The following KDM4C variants were observed in gnomAD, a reference collection of about 807,000 sequenced individuals.
KDM4C encodes lysine demethylase 4C.
Under a neutral mutation model 129.3 loss-of-function variants are expected in KDM4C, and 81 were observed. The ratio of observed to expected loss-of-function variants is 0.63; its 90% CI spans 0.52 to 0.75. The LOEUF (loss-of-function observed/expected upper bound fraction) is 0.75. Ranked by LOEUF, KDM4C falls within the 30% of genes least tolerant of loss-of-function variation. The pLI is 0.00. For synonymous variants in KDM4C, 573 were observed against 456.1 expected, an observed-to-expected ratio of 1.26 and a Z score of -3.26; for missense variants, 1,457 against 1,304.0, an observed-to-expected ratio of 1.12 and a Z score of -1.81.
chr9:7,057,979 G>A (rs560669510), intron 17 of KDM4C, among the ~76,000 whole-genome samples: 5 of 152,326 alleles, frequency 3.3e-5, no homozygotes, highest in African/African-American at 1.2e-4. Context: ...GCATGGTACA[G>A]CTGGGAGTCT....
intron 8 of KDM4C, among the ~76,000 whole-genome samples, chr9:6,963,546 T>C (rs1480671096): frequency 6.6e-6 from 1 of 152,192 alleles, no homozygotes; most frequent in Non-Finnish European, 1.5e-5. Flanking sequence ...ATATGAAGCA[T>C]GTTAGCTAGA....
intron 15 of KDM4C, among the ~76,000 whole-genome samples, chr9:7,040,404 T>TGTGTGTGC (rs1458735340): frequency 1.4e-5 from 2 of 145,698 alleles, no homozygotes; most frequent in African/African-American, 5.2e-5. Flanking sequence ...TGTGTGTGTG[T>TGTGTGTGC]GCGTGTGTAT....
intron 12 of KDM4C, among the ~76,000 whole-genome samples, chr9:7,005,961 G>C (rs990642100): frequency 6.6e-5 from 10 of 152,120 alleles, no homozygotes; most frequent in African/African-American, 2.4e-4. Flanking sequence ...TTGGACTAAT[G>C]TTTTCAAATA....
At chr9:6,981,640 AC>A (rs1189543324) in intron 9 of KDM4C, among the ~76,000 whole-genome samples, 1 of 152,192 alleles carries the variant, frequency 6.6e-6, no homozygotes, top group Non-Finnish European at 1.5e-5. Context: ...ATCCTTGTGA[AC>A]TTTATTCTCC....
intron 17 of KDM4C, among the ~76,000 whole-genome samples, chr9:7,064,938 T>A (rs1564069204): frequency 6.6e-6 from 1 of 152,216 alleles, no homozygotes; most frequent in Non-Finnish European, 1.5e-5. Flanking sequence ...CGACGTAAGT[T>A]CTTGAAGTCT....
At chr9:6,960,544 T>C (rs4742276) in intron 8 of KDM4C, among the ~76,000 whole-genome samples, 112,644 of 151,806 alleles carry the variant, frequency 0.74, 42,225 homozygotes, top group East Asian at 1. Flanking sequence ...CAGGCATGAG[T>C]CACTGTGCGT....
At chr9:6,740,959 G>A (rs1817675127) in intron 1 of KDM4C, among the ~76,000 whole-genome samples, 1 of 150,628 alleles carries the variant, frequency 6.6e-6, no homozygotes, top group Non-Finnish European at 1.5e-5. Context: ...TGAGTAGCTG[G>A]GACTACAGAC....
chr9:6,913,721 C>A (rs1006872443), intron 8 of KDM4C, among the ~76,000 whole-genome samples: 1 of 152,166 alleles, frequency 6.6e-6, no homozygotes, highest in Non-Finnish European at 1.5e-5. Flanking sequence ...AGTTTCTACT[C>A]TATTATGATA....
intron 19 of KDM4C, among the ~76,000 whole-genome samples, chr9:7,163,219 G>A (rs1364457950): frequency 6.6e-6 from 1 of 152,096 alleles, no homozygotes; most frequent in Non-Finnish European, 1.5e-5. Context: ...GTGCCTCTCA[G>A]TCAAAAGAAG....
At chr9:6,776,251 G>GC (rs1169518148) in intron 1 of KDM4C, among the ~76,000 whole-genome samples, 1 of 152,030 alleles carries the variant, frequency 6.6e-6, no homozygotes, top group African/African-American at 2.4e-5. Flanking sequence ...ATGCCACCAT[G>GC]CCCCGCTCAA....
chr9:7,013,862 G>T lies in KDM4C; in HGVS notation c.2043G>T (p.Lys681Asn). The T allele has an allele frequency of 3.7e-6, 6 of 1,614,034 alleles. No homozygotes were observed. Among genetic ancestry groups the T allele is most frequent in the Non-Finnish European group, 5.1e-6 (6 of 1,179,902 alleles). Residue 681 changes from lysine (K) to asparagine (N), a missense_variant, in exon 14 of 22, where the codon AAG becomes AAT. Coordinates refer to ENST00000381309, the MANE Select transcript of KDM4C (RefSeq NM_015061.6). The stretch of plus-strand genomic sequence containing the variant: ...ATGAAGTCGTTACATCGGAGGGAAA[G>T]ACTAAGCCCCTCATACCAGAGATGT... ...KLDEVVTSEG[K>N]TKPLIPEMCF...
At chr9:6,772,905 A>G (rs1481559750) in intron 1 of KDM4C, among the ~76,000 whole-genome samples, 2 of 150,140 alleles carry the variant, frequency 1.3e-5, no homozygotes, top group Middle Eastern at 6.5e-3. Flanking sequence ...CATGTTGGCC[A>G]GGCTGGTCCC....
chr9:6,872,592 T>C (rs544494996), intron 5 of KDM4C, among the ~76,000 whole-genome samples: 1 of 152,358 alleles, frequency 6.6e-6, no homozygotes, highest in East Asian at 1.9e-4. Context: ...TCGCTCTTCT[T>C]GTTGCATTGA....
chr9:7,145,859 A>C (rs1457211438), intron 19 of KDM4C, among the ~76,000 whole-genome samples: 6 of 152,370 alleles, frequency 3.9e-5, no homozygotes, highest in African/African-American at 1.4e-4. Flanking sequence ...TGAAGGATTT[A>C]ATAAACAGAA....
chr9:6,805,775 G>C lies in KDM4C; in HGVS notation c.320+1G>C. On this transcript the variant is annotated splice_donor_variant, in intron 3 of 21. Coordinates refer to ENST00000381309, the MANE Select transcript of KDM4C (RefSeq NM_015061.6). LOFTEE classifies it high-confidence loss of function. ...TCAGGCAGCTGGCCAACAGTGGCAA[G>C]TGAGTAGAATCAGTTTGCTATTTCT... The C allele has an allele frequency of 6.2e-7, 1 of 1,609,558 alleles. No homozygotes were observed. Among genetic ancestry groups the C allele is most frequent in the Non-Finnish European group, 8.5e-7 (1 of 1,178,344 alleles).
At chr9:7,096,187 T>C (rs1836413084) in intron 17 of KDM4C, among the ~76,000 whole-genome samples, 1 of 152,246 alleles carries the variant, frequency 6.6e-6, no homozygotes, top group Admixed American at 6.5e-5. Context: ...TTGATTTTTT[T>C]TCAACATACA....
intron 8 of KDM4C, among the ~76,000 whole-genome samples, chr9:6,970,788 T>G (rs983409781): frequency 4.0e-5 from 6 of 149,262 alleles, no homozygotes; most frequent in Non-Finnish European, 3.0e-5. Context: ...AAAAACAGTA[T>G]TCCCACCCCC....
At chr9:6,741,331 G>T (rs527437142) in intron 1 of KDM4C, among the ~76,000 whole-genome samples, 4 of 152,126 alleles carry the variant, frequency 2.6e-5, no homozygotes, top group African/African-American at 7.2e-5. Context: ...GGAGGCGGAG[G>T]TTGCAGTGGG....
chr9:6,985,352 C>G (rs1049031932), intron 10 of KDM4C, among the ~76,000 whole-genome samples: 5 of 152,216 alleles, frequency 3.3e-5, no homozygotes, highest in African/African-American at 1.2e-4. Flanking sequence ...TGCCTTTGCT[C>G]TTGAAATAGC....
Sources: allele counts gnomAD v4.1 joint callset (sites outside exome capture counted in the v4.1 genomes callset), GRCh38; gene constraint gnomAD v4.1.1; transcripts MANE v1.5; gene names NCBI Gene and HGNC (gene_info 2026-07-23, HGNC 2026-07-21).